Variants in SLC44A5 observed in about 807,000 individuals in gnomAD.
SLC44A5 encodes the protein choline transporter-like protein 5.
Under a neutral mutation model 101.8 loss-of-function variants are expected in SLC44A5, and 57 were observed. The observed-to-expected ratio is 0.56, with a 90% CI of 0.45 to 0.70. The LOEUF is 0.70. SLC44A5 is among the 30% of genes least tolerant of loss of function. The pLI is 0.00. For synonymous variants in SLC44A5, 281 were observed against 290.9 expected (o/e 0.97, Z 0.35); for missense variants, 737 against 853.1 (o/e 0.86, Z 1.70).
chr1:75,697,946 G>A, the SLC44A5 span, among the ~76,000 whole-genome samples: 1 of 152,174 alleles, frequency 6.6e-6, no homozygotes, highest in African/African-American at 2.4e-5. Flanking sequence ...TTTTCCAACG[G>A]GCTTAAAAAA....
chr1:75,600,951 G>C (rs1355387656), intron 1 of SLC44A5, among the ~76,000 whole-genome samples: 2 of 152,158 alleles, frequency 1.3e-5, no homozygotes, highest in Non-Finnish European at 2.9e-5. Flanking sequence ...TGTATAAAGA[G>C]AGACAGTGAG....
chr1:75,371,900 T>C (rs146981573), intron 3 of SLC44A5, among the ~76,000 whole-genome samples: 2 of 152,218 alleles, frequency 1.3e-5, no homozygotes, highest in Non-Finnish European at 2.9e-5. Flanking sequence ...ACAAGGTATA[T>C]AAAAGCTCCA....
chr1:75,242,302 A>G lies in SLC44A5; in HGVS notation c.472-241T>C, dbSNP rs899285590. 5.0e-4 allele frequency among the ~76,000 whole-genome samples: 76 copies of G among 151,972 alleles called. 1 individual carries two copies. Among genetic ancestry groups the G allele is most frequent in the African/African-American group, 1.8e-3 (76 of 41,414 alleles). ...AAACCAGATCATCTGAAAACAAGGA[A>G]CACCTTTGGAGGTGTGTGTCTTTGT... On this transcript the variant is annotated intron_variant, in intron 8 of 23. Coordinates refer to ENST00000370859, the MANE Select transcript of SLC44A5 (RefSeq NM_001130058.2).
chr1:75,268,446 A>C (rs1486313270), intron 6 of SLC44A5, among the ~76,000 whole-genome samples: 1 of 152,044 alleles, frequency 6.6e-6, no homozygotes, highest in Non-Finnish European at 1.5e-5. Flanking sequence ...TGTTATTTAC[A>C]TTTTTATTGA....
At chr1:75,682,825 A>T in the SLC44A5 span, among the ~76,000 whole-genome samples, 3 of 152,198 alleles carry the variant, frequency 2.0e-5, no homozygotes, top group Admixed American at 6.5e-5. Flanking sequence ...GGCAACCTAC[A>T]AAATGGGAGA....
chr1:75,449,307 C>A (rs1043653065), intron 2 of SLC44A5, among the ~76,000 whole-genome samples: 3 of 152,182 alleles, frequency 2.0e-5, no homozygotes, highest in African/African-American at 7.2e-5. Context: ...CTCCTTCCAG[C>A]TTTAGACATT....
At chr1:75,416,189 C>T (rs531164685) in intron 2 of SLC44A5, among the ~76,000 whole-genome samples, 3 of 152,280 alleles carry the variant, frequency 2.0e-5, no homozygotes, top group African/African-American at 7.2e-5. Flanking sequence ...TCATGGGCTA[C>T]ACCCAGGGTC....
intron 6 of SLC44A5, among the ~76,000 whole-genome samples, chr1:75,254,676 G>A (rs1649863976): frequency 1.3e-5 from 2 of 152,102 alleles, no homozygotes; most frequent in Non-Finnish European, 2.9e-5. Context: ...GAAGTGTGCT[G>A]AACAATGAAT....
chr1:75,291,186 C>A (rs1332525611), intron 5 of SLC44A5, among the ~76,000 whole-genome samples: 1 of 152,120 alleles, frequency 6.6e-6, no homozygotes, highest in East Asian at 1.9e-4. Flanking sequence ...TAGACCACCA[C>A]TATTCAAGAT....
intron 4 of SLC44A5, among the ~76,000 whole-genome samples, chr1:75,306,561 CAAA>C (rs908893660): frequency 1.4e-5 from 2 of 144,754 alleles, no homozygotes; most frequent in East Asian, 4.0e-4. Context: ...CAAATGCAAA[CAAA>C]AAAAAAACCA....
chr1:75,631,526 C>A, the SLC44A5 span, among the ~76,000 whole-genome samples: 4 of 149,968 alleles, frequency 2.7e-5, no homozygotes, highest in Non-Finnish European at 5.9e-5. Context: ...GCATGCACAA[C>A]CACACCTGGC....
chr1:75,206,714 C>G (rs1354412105), intron 23 of SLC44A5: 1 of 1,587,482 alleles, frequency 6.3e-7, no homozygotes, highest in Admixed American at 1.7e-5. Flanking sequence ...CTTTCCAGAT[C>G]TTCACCTGTA....
At chr1:75,604,768 T>C (rs1317277325) in intron 1 of SLC44A5, among the ~76,000 whole-genome samples, 1 of 20,318 alleles carries the variant, frequency 4.9e-5, no homozygotes, top group African/African-American at 1.1e-4. Context: ...TGTGTGTGTA[T>C]GTGTGTGTGT....
At chr1:75,356,672 C>T (rs1659104697) in intron 3 of SLC44A5, among the ~76,000 whole-genome samples, 1 of 152,176 alleles carries the variant, frequency 6.6e-6, no homozygotes, top group Non-Finnish European at 1.5e-5. Context: ...TGTCCTAGGC[C>T]TTCACCTCAC....
the SLC44A5 span, among the ~76,000 whole-genome samples, chr1:75,692,596 T>C: frequency 6.6e-6 from 1 of 152,166 alleles, no homozygotes; most frequent in African/African-American, 2.4e-5. Context: ...TATCTGTACA[T>C]GTGCTGGTAA....
the SLC44A5 span, among the ~76,000 whole-genome samples, chr1:75,716,135 C>A: frequency 6.6e-6 from 1 of 152,106 alleles, no homozygotes; most frequent in Non-Finnish European, 1.5e-5. Context: ...CAGTCAGAAT[C>A]TCTATCATTA....
intron 2 of SLC44A5, among the ~76,000 whole-genome samples, chr1:75,457,652 G>A (rs762646757): frequency 7.2e-5 from 11 of 152,256 alleles, no homozygotes; most frequent in Admixed American, 2.6e-4. Context: ...GAGGTCAAGC[G>A]TTTGAGAACA....
chr1:75,358,998 C>T (rs1659285542), intron 3 of SLC44A5, among the ~76,000 whole-genome samples: 1 of 152,016 alleles, frequency 6.6e-6, no homozygotes, highest in South Asian at 2.1e-4. Flanking sequence ...CTTCCCTCCC[C>T]TCCCCCTGCA....
At chr1:75,622,879 CA>C in the SLC44A5 span, among the ~76,000 whole-genome samples, 2 of 152,040 alleles carry the variant, frequency 1.3e-5, no homozygotes, top group African/African-American at 4.8e-5. Flanking sequence ...CTCAGTTTAC[CA>C]ACTCATTCCC....
Sources: gnomAD v4.1 joint callset for allele counts (sites outside exome capture counted in the v4.1 genomes callset) on GRCh38, gnomAD v4.1.1 for gene constraint, MANE v1.5 for transcripts, NCBI Gene and HGNC (gene_info 2026-07-23, HGNC 2026-07-21) for gene names.